OLAH: variants seen among roughly 807,000 people sequenced by gnomAD.
OLAH encodes oleoyl-ACP hydrolase.
In OLAH, 33 loss-of-function variants were observed where a neutral mutation model predicts 27.8. That is an observed-to-expected ratio of 1.19 (90% CI 0.90 to 1.59). The LOEUF (loss-of-function observed/expected upper bound fraction) is 1.59, where lower values mean the gene tolerates loss of function less well. OLAH is among the 40% of genes most tolerant of loss of function. OLAH has a pLI of 0.00. For missense variants in OLAH, 359 were observed against 310.8 expected (o/e 1.16, Z -1.17); for synonymous variants, 120 against 102.9 (o/e 1.17, Z -1.01).
intron 1 of OLAH, among the ~76,000 whole-genome samples, chr10:15,046,196 G>A (rs1337539115): frequency 6.6e-6 from 1 of 151,014 alleles, no homozygotes; most frequent in East Asian, 2.0e-4. Context: ...AAATACAAAA[G>A]TTATCTGGGC....
chr10:15,063,965 C>G (rs1322761190), intron 4 of OLAH, among the ~76,000 whole-genome samples: 1 of 152,112 alleles, frequency 6.6e-6, no homozygotes, highest in Non-Finnish European at 1.5e-5. Context: ...CTGGAAAACT[C>G]CACTGTGTAT....
intron 3 of OLAH, among the ~76,000 whole-genome samples, chr10:15,051,083 T>A (rs540657753): frequency 0.062 from 8,425 of 136,904 alleles, 322 homozygotes; most frequent in Middle Eastern, 0.12. Flanking sequence ...TTATTATTTT[T>A]TTTTTTTTTT....
At chr10:15,042,913 T>G (rs1233643716), upstream of OLAH, among the ~76,000 whole-genome samples, 2 of 128,512 alleles carry the variant, frequency 1.6e-5, no homozygotes, top group Non-Finnish European at 1.5e-5. Context: ...CAGGCTGGAG[T>G]GCAGTGGCGT....
At chr10:15,043,504 T>C (rs533140672), upstream of OLAH, among the ~76,000 whole-genome samples, 2 of 150,072 alleles carry the variant, frequency 1.3e-5, no homozygotes, top group Admixed American at 6.7e-5. Flanking sequence ...TCAGACAGAG[T>C]TTTGCTTTTG....
intron 4 of OLAH, among the ~76,000 whole-genome samples, chr10:15,062,823 A>G (rs1447281717): frequency 6.6e-6 from 1 of 150,802 alleles, no homozygotes; most frequent in Non-Finnish European, 1.5e-5. Context: ...ATTGCAACCT[A>G]CACCTCATGG....
rs191756986 is a variant in OLAH at position 15,072,154 on chromosome 10, G to A, written c.655+277G>A. Reference sequence around the variant, plus strand: ...TCACCATGTTGGCCAGGCTGGCCTCGAACTCCTGACCTCATGATCTGCCTG... The same window carrying A: ...TCACCATGTTGGCCAGGCTGGCCTCAAACTCCTGACCTCATGATCTGCCTG... On this transcript the variant is annotated intron_variant, in intron 7 of 7. Coordinates refer to ENST00000378228, the MANE Select transcript of OLAH (RefSeq NM_001039702.3). Among the ~76,000 whole-genome samples the A allele has an allele frequency of 8.6e-3, 1,307 of 152,160 alleles. 16 individuals are homozygous for A. Among genetic ancestry groups the A allele is most frequent in the African/African-American group, 0.03 (1,252 of 41,494 alleles).
At chr10:15,057,566 A>G (rs1300472878) in intron 3 of OLAH, among the ~76,000 whole-genome samples, 3 of 151,870 alleles carry the variant, frequency 2.0e-5, no homozygotes, top group African/African-American at 7.3e-5. Context: ...TCATATTTTT[A>G]GTAGAAATGT....
chr10:15,072,169 T>A (rs1844602570), intron 7 of OLAH, among the ~76,000 whole-genome samples: 1 of 152,170 alleles, frequency 6.6e-6, no homozygotes, highest in South Asian at 2.1e-4. Context: ...CCTGACCTCA[T>A]GATCTGCCTG....
intron 6 of OLAH, among the ~76,000 whole-genome samples, chr10:15,068,881 A>G (rs1271436505): frequency 1.3e-5 from 2 of 152,056 alleles, no homozygotes; most frequent in Non-Finnish European, 2.9e-5. Context: ...CCTTGAGTGC[A>G]CCACCAGCTC....
intron 3 of OLAH, among the ~76,000 whole-genome samples, chr10:15,056,501 C>G (rs1844248016): frequency 6.6e-6 from 1 of 152,192 alleles, no homozygotes; most frequent in Non-Finnish European, 1.5e-5. Context: ...ATTATTCTAA[C>G]TTTACATTGA....
At chr10:15,044,981 C>T (rs1843987092) in intron 1 of OLAH, among the ~76,000 whole-genome samples, 4 of 152,122 alleles carry the variant, frequency 2.6e-5, no homozygotes, top group Admixed American at 6.6e-5. Context: ...AAAATCTAAG[C>T]CATTATCTCT....
upstream of OLAH, among the ~76,000 whole-genome samples, chr10:15,039,255 G>T (rs1843885888): frequency 6.6e-6 from 1 of 152,042 alleles, no homozygotes; most frequent in African/African-American, 2.4e-5. Context: ...GCAACTCAAA[G>T]AAAAGCTAGT....
At chr10:15,038,893 T>G (rs1194841765) in intron 1 of OLAH, among the ~76,000 whole-genome samples, 1 of 152,202 alleles carries the variant, frequency 6.6e-6, no homozygotes, top group African/African-American at 2.4e-5. Flanking sequence ...AGTACTGCCC[T>G]GAATTCTTGC....
rs547643010 is a variant in OLAH at position 15,066,920 on chromosome 10, G to A, written c.572+1167G>A. On this transcript the variant is annotated intron_variant, in intron 6 of 7. Coordinates refer to ENST00000378228, the MANE Select transcript of OLAH (RefSeq NM_001039702.3). Reference sequence around the variant, plus strand: ...CTCCCAAAGTATTGGGATTATAGGCGTGAGCCACTGTGCTCAGCAAGGACT... The same window carrying A: ...CTCCCAAAGTATTGGGATTATAGGCATGAGCCACTGTGCTCAGCAAGGACT... 1.4e-4 allele frequency among the ~76,000 whole-genome samples: 21 copies of A among 152,234 alleles called. No homozygotes were observed. The South Asian group carries it at 4.1e-3, about 30-fold the overall frequency.
intron 1 of OLAH, among the ~76,000 whole-genome samples, chr10:15,035,326 G>C (rs1843825433): frequency 6.6e-6 from 1 of 152,096 alleles, no homozygotes; most frequent in Non-Finnish European, 1.5e-5. Flanking sequence ...CCTGTGACCG[G>C]GTAATTTATG....
At chr10:15,046,311 G>A (rs987975057) in intron 1 of OLAH, among the ~76,000 whole-genome samples, 2 of 132,244 alleles carry the variant, frequency 1.5e-5, no homozygotes, top group East Asian at 2.4e-4. Context: ...GTGAGACTCC[G>A]TCTCAAAAAA....
chr10:15,048,055 T>C (rs1272184488), intron 2 of OLAH, among the ~76,000 whole-genome samples: 1 of 152,206 alleles, frequency 6.6e-6, no homozygotes, highest in Non-Finnish European at 1.5e-5. Flanking sequence ...TATATCTTTG[T>C]AAGGAATTTA....
intron 1 of OLAH, among the ~76,000 whole-genome samples, chr10:15,035,286 C>T (rs1589233160): frequency 6.6e-6 from 1 of 152,114 alleles, no homozygotes; most frequent in Non-Finnish European, 1.5e-5. Context: ...GCACTGTATT[C>T]GGCTGTTCTT....
intron 3 of OLAH, among the ~76,000 whole-genome samples, chr10:15,050,742 T>C (rs981480156): frequency 6.6e-6 from 1 of 151,482 alleles, no homozygotes; most frequent in African/African-American, 2.4e-5. Context: ...AGGGTTTCAC[T>C]GTGTTAGCCA....
Sources: gnomAD v4.1 joint callset for allele counts (sites outside exome capture counted in the v4.1 genomes callset) on GRCh38, gnomAD v4.1.1 for gene constraint, MANE v1.5 for transcripts, NCBI Gene and HGNC (gene_info 2026-07-23, HGNC 2026-07-21) for gene names.